The following LPP variants were observed in gnomAD, a reference collection of about 807,000 sequenced individuals.
LPP encodes the protein LIM domain containing preferred translocation partner in lipoma.
A neutral mutation model predicts 60.4 loss-of-function variants in LPP; 38 were observed. That is an observed-to-expected ratio of 0.63 (90% CI 0.49 to 0.83). LPP has a LOEUF of 0.83. Among genes scored for constraint, LPP ranks in the 40% least tolerant of loss-of-function variants. LPP has a pLI of 0.00. For missense variants in LPP, 902 were observed against 783.6 expected, an observed-to-expected ratio of 1.15 and a Z score of -1.80; for synonymous variants, 328 against 290.8, an observed-to-expected ratio of 1.13 and a Z score of -1.30.
At chr3:188,163,432 G>T (rs911781766) in intron 1 of LPP, among the ~76,000 whole-genome samples, 2 of 152,124 alleles carry the variant, frequency 1.3e-5, no homozygotes, top group Non-Finnish European at 2.9e-5. Context: ...ACCCAGCAGC[G>T]CAACTGTCAA....
At chr3:188,859,311 T>G (rs35623115) in intron 9 of LPP, among the ~76,000 whole-genome samples, 1 of 152,118 alleles carries the variant, frequency 6.6e-6, no homozygotes, top group African/African-American at 2.4e-5. Context: ...AAGTTTTTTT[T>G]CAAGTGCCAA....
At chr3:188,537,584 T>C (rs1380842315) in intron 6 of LPP, among the ~76,000 whole-genome samples, 1 of 152,172 alleles carries the variant, frequency 6.6e-6, no homozygotes, top group Admixed American at 6.5e-5. Context: ...CTCTGTCGAT[T>C]TGTTCAAAGA....
intron 5 of LPP, among the ~76,000 whole-genome samples, chr3:188,495,171 TTTATAAATATATAATATATATA>T (rs1295197791): frequency 1.5e-4 from 12 of 80,352 alleles, no homozygotes; most frequent in Admixed American, 9.7e-4. Flanking sequence ...TTTATATATA[TTTATAAATATATAATATATATA>T]TTTATAAATA....
At chr3:188,592,560 T>TGTTTTTTTTTTTTTTTTTTTTTG (rs1580232815) in intron 6 of LPP, among the ~76,000 whole-genome samples, 1 of 133,672 alleles carries the variant, frequency 7.5e-6, no homozygotes, top group Admixed American at 7.6e-5. Context: ...TGTTTTTGTT[T>TGTTTTTTTTTTTTTTTTTTTTTG]TTTAAATGGA....
chr3:188,251,016 GCCCTCCCCC>G (rs1729410637), intron 2 of LPP, among the ~76,000 whole-genome samples: 1 of 46,202 alleles, frequency 2.2e-5, no homozygotes, highest in African/African-American at 1.0e-4. Context: ...CCTCCCCCCC[GCCCTCCCCC>G]CTTCCCTCCC....
intron 9 of LPP, among the ~76,000 whole-genome samples, chr3:188,771,924 G>A (rs1736176886): frequency 6.6e-6 from 1 of 152,186 alleles, no homozygotes; most frequent in Non-Finnish European, 1.5e-5. Flanking sequence ...TGTGTCAGCG[G>A]TCACCTGCTT....
intron 1 of LPP, among the ~76,000 whole-genome samples, chr3:188,198,074 C>T (rs774919187): frequency 4.6e-5 from 7 of 152,184 alleles, no homozygotes; most frequent in Admixed American, 2.6e-4. Context: ...CTTGGTGAAA[C>T]GTAGCAAGCG....
At chr3:188,284,686 G>A (rs759078322) in intron 2 of LPP, among the ~76,000 whole-genome samples, 40 of 152,168 alleles carry the variant, frequency 2.6e-4, no homozygotes, top group Non-Finnish European at 4.4e-4. Context: ...AAGGAGATCA[G>A]GGACTTACCC....
intron 7 of LPP, among the ~76,000 whole-genome samples, chr3:188,702,403 T>G (rs1157343768): frequency 6.6e-6 from 1 of 151,926 alleles, no homozygotes; most frequent in Non-Finnish European, 1.5e-5. Context: ...ACAGGTCATC[T>G]TTTTTTGGCA....
At chr3:188,739,104 T>C (rs1439881579) in intron 8 of LPP, among the ~76,000 whole-genome samples, 1 of 152,104 alleles carries the variant, frequency 6.6e-6, no homozygotes, top group Non-Finnish European at 1.5e-5. Flanking sequence ...ATTAACATGA[T>C]TGCTTGAAAA....
At chr3:188,781,611 C>T (rs781349269) in intron 9 of LPP, among the ~76,000 whole-genome samples, 9 of 151,490 alleles carry the variant, frequency 5.9e-5, no homozygotes, top group East Asian at 3.9e-4. Flanking sequence ...TGCCTCGGTG[C>T]GGTCGCTCAC....
chr3:188,481,693 T>A (rs1804821510), intron 4 of LPP, among the ~76,000 whole-genome samples: 6 of 152,172 alleles, frequency 3.9e-5, no homozygotes, highest in Admixed American at 3.9e-4. Context: ...TTTCCAATTT[T>A]GTGGGTCTAA....
chr3:188,705,591 C>CTA (rs751567376), intron 7 of LPP, among the ~76,000 whole-genome samples: 43 of 150,908 alleles, frequency 2.8e-4, no homozygotes, highest in East Asian at 1.4e-3. Context: ...ATATACTATG[C>CTA]TATATATATA....
chr3:188,338,550 G>A (rs1022993826), intron 2 of LPP, among the ~76,000 whole-genome samples: 1 of 152,162 alleles, frequency 6.6e-6, no homozygotes, highest in Non-Finnish European at 1.5e-5. Flanking sequence ...CACAGAATGT[G>A]TATTTTATGC....
chr3:188,182,004 C>T lies in LPP; in HGVS notation c.-190+27752C>T, dbSNP rs1725159242. Among the ~76,000 whole-genome samples, 1 of 152,220 alleles carries T rather than the reference C, an allele frequency of 6.6e-6. No individual in the cohort carries two copies. The highest frequency in any genetic ancestry group is 6.5e-5 in the Admixed American group (1 of 15,286). On this transcript the variant is annotated intron_variant, in intron 1 of 11. Coordinates refer to ENST00000617246, the MANE Select transcript of LPP (RefSeq NM_001375462.1). The surrounding 1 kb of genome is among the most constrained non-coding windows in gnomAD (Gnocchi z 4.4). The stretch of plus-strand genomic sequence containing the variant: ...ATTACTGGCTTTCTGCTGGGATGCC[C>T]ACAGCACTTTGGCCAGATCTCTGAT...
intron 6 of LPP, chr3:188,554,156 A>ATT (rs1560556725): frequency 1.4e-5 from 2 of 147,996 alleles, no homozygotes; most frequent in Non-Finnish European, 3.0e-5. Flanking sequence ...TTTTTTTTAA[A>ATT]AAAAAGAAAG....
At chr3:188,626,356 GAT>G (rs2151645220) in intron 7 of LPP, among the ~76,000 whole-genome samples, 1 of 152,168 alleles carries the variant, frequency 6.6e-6, no homozygotes, top group South Asian at 2.1e-4. Flanking sequence ...TATGTAAGAG[GAT>G]ATGTGTAGGT....
At chr3:188,413,341 G>A (rs1785351918) in intron 4 of LPP, among the ~76,000 whole-genome samples, 1 of 152,022 alleles carries the variant, frequency 6.6e-6, no homozygotes, top group African/African-American at 2.4e-5. Flanking sequence ...CTTTTTTGGA[G>A]GTTACAAATG....
chr3:188,762,436 T>A (rs1732679560), intron 9 of LPP, among the ~76,000 whole-genome samples: 1 of 152,234 alleles, frequency 6.6e-6, no homozygotes. Context: ...GAACCTTACA[T>A]GTGCAGTGAA....
Sources: gnomAD v4.1 joint callset for allele counts (sites outside exome capture counted in the v4.1 genomes callset) on GRCh38, gnomAD v4.1.1 for gene constraint, Gnocchi (gnomAD v3.1) non-coding constraint, MANE v1.5 for transcripts, NCBI Gene and HGNC (gene_info 2026-07-23, HGNC 2026-07-21) for gene names.